SORCS2: variants seen among roughly 807,000 people sequenced by gnomAD.
SORCS2 encodes the protein VPS10 domain-containing receptor SorCS2.
In SORCS2, 100 loss-of-function variants were observed where a neutral mutation model predicts 141.6. The observed-to-expected ratio is 0.71, with a 90% CI of 0.60 to 0.83. SORCS2 has a LOEUF of 0.83. Ranked by LOEUF, SORCS2 falls within the 40% of genes least tolerant of loss-of-function variation. The probability of loss-of-function intolerance (pLI) is 0.00; values close to 1 mark genes in which losing one functional copy is unlikely to be tolerated. For missense variants in SORCS2, 1,646 were observed against 1,560.2 expected (o/e 1.05, Z -0.93); for synonymous variants, 789 against 676.9 (o/e 1.17, Z -2.57).
At chr4:7,319,486 C>A (rs935237886) in intron 1 of SORCS2, among the ~76,000 whole-genome samples, 5 of 152,106 alleles carry the variant, frequency 3.3e-5, no homozygotes, top group Non-Finnish European at 5.9e-5. Context: ...GGGAAAATTG[C>A]TTGAGACCAG....
chr4:7,737,286 C>A, intron 26 of SORCS2, 114 bp downstream of exon 26: 1 of 1,457,984 alleles, frequency 6.9e-7, no homozygotes, highest in South Asian at 1.3e-5. Flanking sequence ...CAGCAAAACG[C>A]TGGCCCAGCA....
At chr4:7,540,890 G>A (rs1409136481) in intron 3 of SORCS2, among the ~76,000 whole-genome samples, 1 of 152,238 alleles carries the variant, frequency 6.6e-6, no homozygotes, top group Non-Finnish European at 1.5e-5. Context: ...CCTGGCCCTG[G>A]CAATCAGTGT....
intron 9 of SORCS2, among the ~76,000 whole-genome samples, chr4:7,678,679 C>T (rs982618086): frequency 8.0e-5 from 12 of 150,550 alleles, no homozygotes; most frequent in African/African-American, 2.9e-4. Flanking sequence ...AAGAGGTTCG[C>T]AGTGGCCCGG....
intron 2 of SORCS2, among the ~76,000 whole-genome samples, chr4:7,442,346 C>T (rs1386264955): frequency 1.7e-4 from 3 of 17,770 alleles, no homozygotes; most frequent in Non-Finnish European, 9.2e-5. Flanking sequence ...CCCTCTACCC[C>T]CTCTCCCAGC....
chr4:7,223,725 G>T (rs62289711), intron 1 of SORCS2, among the ~76,000 whole-genome samples: 1 of 152,138 alleles, frequency 6.6e-6, no homozygotes, highest in Non-Finnish European at 1.5e-5. Context: ...GGGCCTCCTG[G>T]TGCCTTCCTG....
chr4:7,501,149 C>T (rs746761513), intron 2 of SORCS2, among the ~76,000 whole-genome samples: 13 of 152,346 alleles, frequency 8.5e-5, no homozygotes, highest in Middle Eastern at 6.8e-3. Context: ...CCACCAACTG[C>T]CTCAGCACTC....
intron 1 of SORCS2, among the ~76,000 whole-genome samples, chr4:7,350,431 G>A (rs1277580502): frequency 6.6e-6 from 1 of 152,216 alleles, no homozygotes; most frequent in Admixed American, 6.5e-5. Context: ...ATCTAGGGAG[G>A]GCCTCGGGTG....
chr4:7,723,059 G>A (rs573770521), intron 18 of SORCS2, among the ~76,000 whole-genome samples: 54 of 152,214 alleles, frequency 3.5e-4, no homozygotes, highest in Middle Eastern at 3.4e-3. Context: ...AGGGAAATGC[G>A]GTTATTGGAA....
At chr4:7,349,404 G>C (rs981111050) in intron 1 of SORCS2, among the ~76,000 whole-genome samples, 2 of 152,176 alleles carry the variant, frequency 1.3e-5, no homozygotes, top group African/African-American at 4.8e-5. Flanking sequence ...CGTGCCGCTG[G>C]AGCACAGGGC....
In SORCS2 at chr4:7,733,384, A is replaced by T. The variant is rs79532786; in HGVS notation, c.3171A>T (p.Gly1057=). ...AQKISFLLRG[G]VRVLVALRDT... The stretch of plus-strand genomic sequence containing the variant: ...AGATCAGCTTCCTCCTGCGAGGCGG[A>T]GTCCGGGTCCTGGTGGCCCTGCGGG... The change falls in exon 24 of 27, where the codon GGA becomes GGT. Residue 1057 remains glycine, a synonymous_variant. Transcript: ENST00000507866. The T allele has an allele frequency of 1.3e-6, 2 of 1,590,940 alleles. No individual in the cohort carries two copies. The highest frequency in any genetic ancestry group is 8.6e-7 in the Non-Finnish European group (1 of 1,169,334).
intron 1 of SORCS2, among the ~76,000 whole-genome samples, chr4:7,259,070 G>A (rs973047328): frequency 6.6e-6 from 1 of 152,082 alleles, no homozygotes; most frequent in African/African-American, 2.4e-5. Context: ...CTCCTATTCC[G>A]TAGGTTGCCT....
chr4:7,618,522 G>C (rs1340441247), intron 3 of SORCS2, among the ~76,000 whole-genome samples: 1 of 152,144 alleles, frequency 6.6e-6, no homozygotes, highest in Non-Finnish European at 1.5e-5. Context: ...CACTCTGCCT[G>C]CCTCTCCGCC....
At chr4:7,387,440 T>C (rs1270525242) in intron 1 of SORCS2, among the ~76,000 whole-genome samples, 1 of 76,632 alleles carries the variant, frequency 1.3e-5, no homozygotes, top group Non-Finnish European at 3.0e-5. Flanking sequence ...CATAGGTACA[T>C]GCATGCACAC....
At chr4:7,244,696 T>C (rs1190918455) in intron 1 of SORCS2, among the ~76,000 whole-genome samples, 1 of 152,156 alleles carries the variant, frequency 6.6e-6, no homozygotes, top group East Asian at 1.9e-4. Flanking sequence ...ACTCTGACAC[T>C]CTCACCCATT....
At chr4:7,280,446 T>C (rs935697368) in intron 1 of SORCS2, among the ~76,000 whole-genome samples, 1 of 152,230 alleles carries the variant, frequency 6.6e-6, no homozygotes, top group Non-Finnish European at 1.5e-5. Context: ...TTCCTTCTTA[T>C]TTAAACCATG....
At chr4:7,699,243 T>A (rs1724900852) in intron 12 of SORCS2, among the ~76,000 whole-genome samples, 1 of 152,136 alleles carries the variant, frequency 6.6e-6, no homozygotes. Flanking sequence ...ACCACAGGAA[T>A]GGGCGTCTGA....
intron 2 of SORCS2, among the ~76,000 whole-genome samples, chr4:7,473,944 T>C (rs949870309): frequency 1.3e-5 from 2 of 152,188 alleles, no homozygotes; most frequent in South Asian, 2.1e-4. Context: ...AGCTCATTGG[T>C]GATGTCGTTA....
At chr4:7,396,826 A>G (rs1051781602) in intron 2 of SORCS2, among the ~76,000 whole-genome samples, 1 of 152,216 alleles carries the variant, frequency 6.6e-6, no homozygotes, top group African/African-American at 2.4e-5. Flanking sequence ...GATGGGGGAT[A>G]TCTCTTTATG....
rs1725209889 is a variant in SORCS2 at position 7,703,422 on chromosome 4, CT to C, written c.1760+54del. The stretch of plus-strand genomic sequence containing the variant: ...CAGGGAGGGCAGGCTGGGGCTCTTT[CT>C]TTCCACCTGGGAACCCTCTCAGACT... On this transcript the variant is annotated intron_variant, in intron 13 of 26. Transcript: ENST00000507866. The C allele has an allele frequency of 5.4e-6, 8 of 1,492,602 alleles. 1 individual carries two copies. In the South Asian group the frequency reaches 9.8e-5, roughly 18 times the overall value. 92.5% of individuals were successfully genotyped at this position (1,492,602 alleles called of 1,614,324 possible).
Sources: allele counts gnomAD v4.1 joint callset (sites outside exome capture counted in the v4.1 genomes callset), GRCh38; gene constraint gnomAD v4.1.1; transcripts MANE v1.5; gene names NCBI Gene and HGNC (gene_info 2026-07-23, HGNC 2026-07-21).